Variants in STK32A observed in about 807,000 individuals in gnomAD.
The protein encoded by STK32A is serine/threonine kinase 32A, also known as serine/threonine-protein kinase 32A.
STK32A carries 41 observed loss-of-function variants against 53.2 expected under a neutral mutation model. That is an observed-to-expected ratio of 0.77 (90% CI 0.60 to 1.00). STK32A has a LOEUF of 1.00. STK32A is among the 50% of genes least tolerant of loss of function. The pLI is 0.00. For missense variants in STK32A, 458 were observed against 485.8 expected, an observed-to-expected ratio of 0.94 and a Z score of 0.54; for synonymous variants, 166 against 162.8, an observed-to-expected ratio of 1.02 and a Z score of -0.15.
chr5:147,284,691 C>CAAAAAAAAAAAAAAAAAAAAAAA (rs1401748709), intron 4 of STK32A, among the ~76,000 whole-genome samples: 1 of 61,470 alleles, frequency 1.6e-5, no homozygotes, highest in Non-Finnish European at 3.6e-5. Context: ...CAAAACAAGA[C>CAAAAAAAAAAAAAAAAAAAAAAA]AAAACAAAAA....
At chr5:147,360,618 C>T (rs1561746657) in intron 7 of STK32A, among the ~76,000 whole-genome samples, 1 of 152,162 alleles carries the variant, frequency 6.6e-6, no homozygotes, top group African/African-American at 2.4e-5. Flanking sequence ...CCAGAGAGCA[C>T]AGCTCCAGAG....
chr5:147,287,276 A>C lies in STK32A; in HGVS notation c.260+7878A>C, dbSNP rs1270888753. On this transcript the variant is annotated intron_variant, in intron 4 of 12. Coordinates refer to ENST00000397936, the MANE Select transcript of STK32A (RefSeq NM_001112724.2). ...TTGTGTGTCACCTTCATTTTATTTT[A>C]CATTTTAATGCGTCCATTATGTTAA... Among the ~76,000 whole-genome samples, 3 of 152,216 alleles carry C rather than the reference A, an allele frequency of 2.0e-5. No individual in the cohort carries two copies. The East Asian group carries it at 5.8e-4, about 29-fold the overall frequency.
chr5:147,277,603 G>T (rs184542904), intron 2 of STK32A, among the ~76,000 whole-genome samples: 155 of 152,250 alleles, frequency 1.0e-3, no homozygotes, highest in African/African-American at 3.7e-3. Context: ...CAAAAGAGTG[G>T]TTGTAGTAAG....
chr5:147,238,709 T>TTA (rs1262140760), intron 1 of STK32A, among the ~76,000 whole-genome samples: 2 of 151,906 alleles, frequency 1.3e-5, no homozygotes, highest in Non-Finnish European at 2.9e-5. Context: ...TATAACAGAG[T>TTA]TATATATATG....
At chr5:147,235,446 A>G (rs1461417984) in intron 1 of STK32A, among the ~76,000 whole-genome samples, 1 of 152,212 alleles carries the variant, frequency 6.6e-6, no homozygotes, top group Non-Finnish European at 1.5e-5. Flanking sequence ...GAGACAAGTG[A>G]GTGGAGGTGT....
At chr5:147,367,115 G>A (rs900784738) in intron 8 of STK32A, among the ~76,000 whole-genome samples, 4 of 151,734 alleles carry the variant, frequency 2.6e-5, no homozygotes, top group Non-Finnish European at 5.9e-5. Context: ...CCCCAGGCTG[G>A]AGTGCAATGG....
chr5:147,367,352 C>T lies in STK32A; in HGVS notation c.661-3302C>T, dbSNP rs368237556. Among the ~76,000 whole-genome samples the T allele has an allele frequency of 4.6e-5, 7 of 152,210 alleles. No individual in the cohort carries two copies. In the South Asian group the frequency reaches 1.0e-3, roughly 23 times the overall value. On this transcript the variant is annotated intron_variant, in intron 8 of 12. Coordinates refer to ENST00000397936, the MANE Select transcript of STK32A (RefSeq NM_001112724.2). The stretch of plus-strand genomic sequence containing the variant: ...AAGTGGTGGGATTACAGGTGTGAGC[C>T]GCCGCACCTGGTCACAATATTTAAC...
chr5:147,349,605 A>G (rs904788908), intron 6 of STK32A, among the ~76,000 whole-genome samples: 1 of 152,074 alleles, frequency 6.6e-6, no homozygotes, highest in African/African-American at 2.4e-5. Context: ...TGCCACGTAT[A>G]AGTATTAGAC....
chr5:147,243,627 G>C (rs992489387), intron 2 of STK32A, among the ~76,000 whole-genome samples: 3 of 152,040 alleles, frequency 2.0e-5, no homozygotes, highest in African/African-American at 7.2e-5. Flanking sequence ...TGTAGTCCCA[G>C]CTATTCAGGA....
At chr5:147,292,147 G>A (rs73797609) in intron 4 of STK32A, among the ~76,000 whole-genome samples, 446 of 152,308 alleles carry the variant, frequency 2.9e-3, no homozygotes, top group African/African-American at 0.01. Flanking sequence ...AAAAACTTGT[G>A]AGGGTACCAT....
intron 4 of STK32A, among the ~76,000 whole-genome samples, chr5:147,312,019 A>G (rs1753723341): frequency 6.6e-6 from 1 of 152,224 alleles, no homozygotes. Flanking sequence ...ACTACAGGGG[A>G]GATAAACTCC....
intron 2 of STK32A, among the ~76,000 whole-genome samples, chr5:147,258,304 CA>C (rs1754330590): frequency 1.3e-5 from 2 of 151,938 alleles, no homozygotes; most frequent in Admixed American, 1.3e-4. Context: ...TTATAATTAA[CA>C]TTTCAAAACT....
At chr5:147,351,191 T>C in intron 7 of STK32A, 37 bp downstream of exon 7, 1 of 1,527,714 alleles carries the variant, frequency 6.5e-7, no homozygotes, top group Non-Finnish European at 9.1e-7. Flanking sequence ...TTTTCTTTCC[T>C]GTAAATACCA....
At chr5:147,312,536 A>G (rs1467331515) in intron 4 of STK32A, among the ~76,000 whole-genome samples, 1 of 152,256 alleles carries the variant, frequency 6.6e-6, no homozygotes, top group Non-Finnish European at 1.5e-5. Flanking sequence ...CTGGATAAAC[A>G]CACAAAATAC....
intron 5 of STK32A, 76 bp from the exon 6 acceptor site, chr5:147,342,930 A>T: frequency 7.2e-7 from 1 of 1,383,570 alleles, no homozygotes; most frequent in South Asian, 1.2e-5. Flanking sequence ...TAGCTTTCTT[A>T]AGCCTTTTTG....
At chr5:147,398,973 A>G in the STK32A span, 1 of 1,422,044 alleles carries the variant, frequency 7.0e-7, no homozygotes, top group Non-Finnish European at 9.5e-7. Flanking sequence ...TATTATTGCA[A>G]CCCGTCCTAG....
At chr5:147,241,333 G>A (rs1429533571) in intron 2 of STK32A, among the ~76,000 whole-genome samples, 1 of 152,188 alleles carries the variant, frequency 6.6e-6, no homozygotes, top group Non-Finnish European at 1.5e-5. Context: ...CAAAAAATTA[G>A]CCGGGCGTGG....
At chr5:147,383,576 A>C in intron 12 of STK32A, 71 bp downstream of exon 12, 1 of 1,189,758 alleles carries the variant, frequency 8.4e-7, no homozygotes, top group Non-Finnish European at 1.2e-6. Context: ...ACTTGCAGAG[A>C]AAATATATTT....
intron 2 of STK32A, among the ~76,000 whole-genome samples, chr5:147,270,070 G>A (rs13163710): frequency 0.59 from 89,154 of 151,666 alleles, 26,537 homozygotes; most frequent in African/African-American, 0.67. Context: ...GCAAAAATGT[G>A]TGTCAAAAGC....
Sources: allele counts gnomAD v4.1 joint callset (sites outside exome capture counted in the v4.1 genomes callset), GRCh38; gene constraint gnomAD v4.1.1; transcripts MANE v1.5; gene names NCBI Gene and HGNC (gene_info 2026-07-23, HGNC 2026-07-21).